SMARCA1: variants seen among roughly 807,000 people sequenced by gnomAD.
SMARCA1 encodes SWI/SNF-related matrix-associated actin-dependent regulator of chromatin subfamily A member 1.
In SMARCA1, 17 loss-of-function variants were observed where a neutral mutation model predicts 93.6. The observed-to-expected ratio is 0.18, with a 90% CI of 0.12 to 0.27. The LOEUF is 0.27. SMARCA1 is among the 10% of genes least tolerant of loss of function. The pLI is 1.00. For synonymous variants in SMARCA1, 271 were observed against 271.4 expected (o/e 1.00, Z 0.01); for missense variants, 630 against 819.0 (o/e 0.77, Z 2.82).
intron 17 of SMARCA1, among the ~76,000 whole-genome samples, chrX:129,483,761 G>A (rs1933782717): frequency 9.0e-6 from 1 of 111,339 alleles, no homozygotes; most frequent in African/African-American, 3.3e-5. Context: ...AACTTATCTG[G>A]GTTAATTTAT....
intron 8 of SMARCA1, 43 bp downstream of exon 8, chrX:129,506,037 G>GA: frequency 9.9e-7 from 1 of 1,005,633 alleles, no homozygotes; most frequent in South Asian, 2.4e-5. Context: ...ACATGTCAGT[G>GA]AAAATAAGAA....
At chrX:129,520,153 G>GTGTA (rs1337371478) in intron 1 of SMARCA1, among the ~76,000 whole-genome samples, 1 of 108,523 alleles carries the variant, frequency 9.2e-6, no homozygotes, top group Non-Finnish European at 1.9e-5. Context: ...GTGTGTGTGT[G>GTGTA]TGTGTGTGTG....
intron 20 of SMARCA1, among the ~76,000 whole-genome samples, chrX:129,470,887 T>A (rs1191222519): frequency 8.9e-6 from 1 of 111,988 alleles, no homozygotes; most frequent in Non-Finnish European, 1.9e-5. Flanking sequence ...AAAGAATATG[T>A]TAATAACTAC....
At chrX:129,448,946 T>G (rs893288517) in intron 23 of SMARCA1, among the ~76,000 whole-genome samples, 8 of 106,925 alleles carry the variant, frequency 7.5e-5, no homozygotes, top group African/African-American at 2.8e-4. Flanking sequence ...ACTCTACACA[T>G]GACAAAACTG....
rs1407043997 is a variant in SMARCA1 at position 129,496,840 on chromosome X, A to T, written c.1536T>A (p.Thr512=). The part of the protein sequence containing the change: ...GSRVLIFSQM[T]RLLDILEDYC... ...AATCTTCCAAAATATCCAGCAAGCG[A>T]GTCATCTGGCTGAAAATGAGAACCC... is the stretch of plus-strand genomic sequence containing the variant. Residue 512 remains threonine, a synonymous_variant, in exon 12 of 25, where the codon ACT becomes ACA. Transcript: ENST00000371121. The T allele has an allele frequency of 8.3e-7, 1 of 1,204,055 alleles. No individual in the cohort carries two copies. The highest frequency in any genetic ancestry group is 1.1e-6 in the Non-Finnish European group (1 of 890,367).
chrX:129,465,373 T>C, intron 23 of SMARCA1, 147 bp downstream of exon 23: 1 of 412,961 alleles, frequency 2.4e-6, no homozygotes, highest in Non-Finnish European at 4.3e-6. Context: ...AGGTGCTACG[T>C]ATGTATACAC....
intron 16 of SMARCA1, among the ~76,000 whole-genome samples, chrX:129,487,351 C>T (rs1933935705): frequency 8.9e-6 from 1 of 112,449 alleles, no homozygotes; most frequent in Admixed American, 9.4e-5. Context: ...AGTACTCTCA[C>T]TTAGGCTTTC....
Position 129,470,735 on chromosome X carries a change from G to C in SMARCA1, c.2565+469C>G, listed in dbSNP as rs112259113. Among the ~76,000 whole-genome samples the C allele has an allele frequency of 3.6e-4, 40 of 110,916 alleles. 1 individual carries two copies. The highest frequency in any genetic ancestry group is 1.2e-3 in the African/African-American group (36 of 30,533). On this transcript the variant is annotated intron_variant, in intron 20 of 24. Coordinates refer to ENST00000371121, the MANE Select transcript of SMARCA1 (RefSeq NM_001282874.2). ...AACACAAAAATTAGCCAGGCACGGT[G>C]GTGGGTGCCTGTAATCCCAGCTACT...
chrX:129,520,239 C>T (rs1479731927), intron 1 of SMARCA1, among the ~76,000 whole-genome samples: 1 of 107,156 alleles, frequency 9.3e-6, no homozygotes, highest in Non-Finnish European at 1.9e-5. Context: ...CTAATGAATT[C>T]CTTTGGATTT....
chrX:129,490,226 T>C (rs764660691), intron 14 of SMARCA1, 34 bp from the exon 15 acceptor site: 9 of 1,062,305 alleles, frequency 8.5e-6, no homozygotes, highest in Non-Finnish European at 1.1e-5. Flanking sequence ...AGATATTGGA[T>C]ATTCTGGATA....
chrX:129,487,206 C>A, intron 16 of SMARCA1, 69 bp from the exon 17 acceptor site: 1 of 771,848 alleles, frequency 1.3e-6, no homozygotes, highest in Non-Finnish European at 1.8e-6. Flanking sequence ...GGATTCTCTA[C>A]CTTTTTAATA....
Position 129,479,263 on chromosome X carries a change from T to C in SMARCA1, c.2442+1438A>G, listed in dbSNP as rs918946954. Among the ~76,000 whole-genome samples, 10 of 111,910 alleles carry C rather than the reference T, an allele frequency of 8.9e-5. No individual in the cohort carries two copies. The East Asian group carries it at 2.8e-3, about 31-fold the overall frequency. ...CAAATTATTATAAACCTTAATGAGA[T>C]GATATGTATTTGTTTACCTCACAAG... is the stretch of plus-strand genomic sequence containing the variant. On this transcript the variant is annotated intron_variant, in intron 19 of 24. Coordinates refer to ENST00000371121, the MANE Select transcript of SMARCA1 (RefSeq NM_001282874.2).
chrX:129,515,579 C>T, intron 5 of SMARCA1, 108 bp downstream of exon 5: 2 of 532,504 alleles, frequency 3.8e-6, no homozygotes, highest in Admixed American at 6.0e-5. Flanking sequence ...ATGATAACAA[C>T]TTTTAAAAAG....
At chrX:129,469,344 A>C (rs1359836633) in intron 20 of SMARCA1, among the ~76,000 whole-genome samples, 1 of 111,514 alleles carries the variant, frequency 9.0e-6, no homozygotes, top group Non-Finnish European at 1.9e-5. Context: ...AATGCAAAAA[A>C]AAATTGTAGC....
At chrX:129,516,098 T>A (rs1935188894) in intron 3 of SMARCA1, 104 bp from the exon 4 acceptor site, 2 of 673,553 alleles carry the variant, frequency 3.0e-6, no homozygotes, top group Middle Eastern at 3.8e-4. Context: ...GAATGAGTTG[T>A]CCAAGGTCTT....
intron 23 of SMARCA1, among the ~76,000 whole-genome samples, chrX:129,455,141 A>AAGACAC (rs1180466784): frequency 8.9e-6 from 1 of 111,840 alleles, no homozygotes; most frequent in Non-Finnish European, 1.9e-5. Context: ...TTCTACTCTA[A>AAGACAC]AGACACATGC....
chrX:129,457,278 C>T (rs757868136), intron 23 of SMARCA1, among the ~76,000 whole-genome samples: 4 of 112,356 alleles, frequency 3.6e-5, no homozygotes, highest in Non-Finnish European at 5.6e-5. Context: ...ATAGACAAAA[C>T]TTTTATATGC....
chrX:129,491,414 A>T (rs1373897485), intron 14 of SMARCA1, among the ~76,000 whole-genome samples: 1 of 111,720 alleles, frequency 9.0e-6, no homozygotes, highest in Non-Finnish European at 1.9e-5. Flanking sequence ...TCCCTAAAAA[A>T]AAATGTTTTT....
At chrX:129,481,268 A>G (rs1420641059) in intron 17 of SMARCA1, 83 bp from the exon 18 acceptor site, 1 of 585,406 alleles carries the variant, frequency 1.7e-6, no homozygotes, top group African/African-American at 2.3e-5. Flanking sequence ...GGCTGCAGAA[A>G]CATAAGGAAG....
Sources: allele counts gnomAD v4.1 joint callset (sites outside exome capture counted in the v4.1 genomes callset), GRCh38; gene constraint gnomAD v4.1.1; transcripts MANE v1.5; gene names NCBI Gene and HGNC (gene_info 2026-07-23, HGNC 2026-07-21).